Variants in SAP130 observed in about 807,000 individuals in gnomAD.
The protein encoded by SAP130 is histone deacetylase complex subunit SAP130.
In SAP130, 16 loss-of-function variants were observed where a neutral mutation model predicts 103.2. That is an observed-to-expected ratio of 0.16 (90% CI 0.10 to 0.24). The LOEUF is 0.24. SAP130 is among the 10% of genes least tolerant of loss of function. SAP130 has a pLI of 1.00. For missense variants in SAP130, 990 were observed against 1,359.7 expected (o/e 0.73, Z 4.28); for synonymous variants, 477 against 497.0 (o/e 0.96, Z 0.53).
At chr2:127,978,932 G>A (rs965413259) in intron 14 of SAP130, among the ~76,000 whole-genome samples, 9 of 152,188 alleles carry the variant, frequency 5.9e-5, no homozygotes, top group African/African-American at 1.7e-4. Context: ...CTCTACGGGT[G>A]CAGTCAGTTG....
In SAP130 at chr2:128,023,617, A is replaced by C. The variant is rs185686510; in HGVS notation, c.112+2564T>G. ...ACACAGTGAAACACCGTCTCTACTA[A>C]AAAATACAAAAAATTAGCCGGGCAC... On this transcript the variant is annotated intron_variant, in intron 2 of 20. Transcript: ENST00000643581. 2.6e-3 allele frequency among the ~76,000 whole-genome samples: 390 copies of C among 152,180 alleles called. 7 individuals are homozygous for C. The highest frequency in any genetic ancestry group is 0.024 in the Admixed American group (369 of 15,272).
At chr2:127,945,162 C>T (rs1044915191) in intron 19 of SAP130, among the ~76,000 whole-genome samples, 2 of 152,114 alleles carry the variant, frequency 1.3e-5, no homozygotes, top group Admixed American at 6.6e-5. Context: ...CCGTTTGAGG[C>T]TCCCCCTATT....
chr2:127,943,842 ATTC>A (rs1678876118), intron 19 of SAP130, among the ~76,000 whole-genome samples: 1 of 152,190 alleles, frequency 6.6e-6, no homozygotes, highest in Non-Finnish European at 1.5e-5. Flanking sequence ...TATTAAAAAT[ATTC>A]TTCTTTCTTC....
chr2:127,970,728 G>T (rs1229356273), intron 15 of SAP130, among the ~76,000 whole-genome samples: 1 of 151,654 alleles, frequency 6.6e-6, no homozygotes, highest in Non-Finnish European at 1.5e-5. Flanking sequence ...AAAAAGACCA[G>T]TCATATTCAA....
intron 14 of SAP130, among the ~76,000 whole-genome samples, chr2:127,979,416 T>C (rs547892388): frequency 2.0e-5 from 3 of 152,082 alleles, no homozygotes; most frequent in East Asian, 1.9e-4. Context: ...AATGAATACA[T>C]TGGGGATGCC....
At chr2:127,999,143 T>G (rs759207821) in intron 10 of SAP130, among the ~76,000 whole-genome samples, 1 of 152,170 alleles carries the variant, frequency 6.6e-6, no homozygotes, top group Admixed American at 6.5e-5. Flanking sequence ...AAGACTTCTG[T>G]GAGGCTGAGC....
In SAP130 at chr2:128,020,828, C is replaced by G. The variant is rs143934812; in HGVS notation, c.113-2913G>C. 4.3e-3 allele frequency among the ~76,000 whole-genome samples: 654 copies of G among 152,094 alleles called. 3 individuals are homozygous for G. The highest frequency in any genetic ancestry group is 0.015 in the African/African-American group (616 of 41,516). ...ATCATCCAACATGGTGAAACCCCGT[C>G]TCCACAAAAATACAAAAATTAGCTG... On this transcript the variant is annotated intron_variant, in intron 2 of 20. Coordinates refer to ENST00000643581, the MANE Select transcript of SAP130 (RefSeq NM_001330301.2).
chr2:127,987,572 T>G (rs1271487872), intron 13 of SAP130, among the ~76,000 whole-genome samples: 3 of 152,056 alleles, frequency 2.0e-5, no homozygotes, highest in Admixed American at 1.3e-4. Flanking sequence ...TAGTATAGTC[T>G]CTCACTCTAC....
intron 1 of SAP130, chr2:128,027,344 C>G: frequency 8.7e-7 from 1 of 1,152,736 alleles, no homozygotes. Context: ...GCCCCACGCC[C>G]GACGCGTCAG....
intron 7 of SAP130, among the ~76,000 whole-genome samples, chr2:128,002,174 C>A (rs2105101136): frequency 6.6e-6 from 1 of 152,314 alleles, no homozygotes; most frequent in African/African-American, 2.4e-5. Flanking sequence ...GCCCTGGCCT[C>A]CCAAAGTGCT....
At chr2:127,968,162 G>A (rs1310740872) in intron 15 of SAP130, among the ~76,000 whole-genome samples, 2 of 150,166 alleles carry the variant, frequency 1.3e-5, no homozygotes, top group Non-Finnish European at 3.0e-5. Context: ...AAACTGGAGT[G>A]CAATGGCACC....
At position 128,017,640 on chromosome 2, in the gene SAP130, G is replaced by A. The variant is rs374777063; in HGVS notation, c.348+40C>T. 2.2e-5 allele frequency: 34 copies of A among 1,522,646 alleles called. No homozygotes were observed. The Admixed American group carries it at 4.2e-4, about 19-fold the overall frequency. 94.3% of individuals were successfully genotyped at this position (1,522,646 alleles called of 1,614,324 possible). A position where few individuals can be genotyped will look rare whatever the true frequency, so the allele number is the denominator to read the frequency against. ...ATTGTTACAAACATTAGCCAGTCTC[G>A]AGCTCTGGTTCAGTGTGAAGTTTTA... On this transcript the variant is annotated intron_variant, in intron 3 of 20. Coordinates refer to ENST00000643581, the MANE Select transcript of SAP130 (RefSeq NM_001330301.2).
chr2:127,946,815 C>T (rs1011800908), intron 18 of SAP130, among the ~76,000 whole-genome samples: 3 of 150,928 alleles, frequency 2.0e-5, no homozygotes, highest in African/African-American at 7.3e-5. Flanking sequence ...ACCCAGGAGG[C>T]GGAGGTTGCA....
At chr2:128,003,755 A>T (rs1324019193) in intron 7 of SAP130, among the ~76,000 whole-genome samples, 1 of 151,964 alleles carries the variant, frequency 6.6e-6, no homozygotes. Flanking sequence ...GGTTGAGTAT[A>T]CCTTATCTAA....
chr2:127,988,405 A>G (rs1219738861), intron 13 of SAP130, among the ~76,000 whole-genome samples: 1 of 149,006 alleles, frequency 6.7e-6, no homozygotes, highest in South Asian at 2.1e-4. Context: ...GCTGGGCAAC[A>G]GAGTGAGTGA....
In SAP130 at chr2:127,945,567, C is replaced by G. The variant is rs1000418017; in HGVS notation, c.2798-8G>C. ...GCATAGCTTTCTTCTCCTCTGGAACCATAAAAAATAAAAATACATGTATTT... is the reference window on the plus strand; with the variant it reads ...GCATAGCTTTCTTCTCCTCTGGAACGATAAAAAATAAAAATACATGTATTT... On this transcript the variant is annotated splice_region_variant and splice_polypyrimidine_tract_variant and intron_variant, in intron 18 of 20. Coordinates refer to ENST00000643581, the MANE Select transcript of SAP130 (RefSeq NM_001330301.2). 1 of 1,547,174 alleles carries G rather than the reference C, an allele frequency of 6.5e-7. No individual in the cohort carries two copies. Among genetic ancestry groups the G allele is most frequent in the African/African-American group, 1.4e-5 (1 of 73,690 alleles).
chr2:127,974,358 T>C (rs576975857), intron 15 of SAP130, among the ~76,000 whole-genome samples: 1 of 152,330 alleles, frequency 6.6e-6, no homozygotes, highest in African/African-American at 2.4e-5. Flanking sequence ...TCACCTCTGG[T>C]TCCAGGCTAG....
Position 127,941,486 on chromosome 2 carries a change from G to A in SAP130, c.*520C>T, listed in dbSNP as rs914199646. On this transcript the variant is annotated 3_prime_UTR_variant, in exon 21 of 21. Coordinates refer to ENST00000643581, the MANE Select transcript of SAP130 (RefSeq NM_001330301.2). ...TAATAGTTCAAACCCTTTAGAGTGT[G>A]AGATGTGGCAGCTCGCTTGGTGCCG... 6.5e-6 allele frequency: 1 copy of A among 154,404 alleles called. No individual in the cohort carries two copies. Among genetic ancestry groups the A allele is most frequent in the African/African-American group, 2.4e-5 (1 of 41,478 alleles). 9.6% of individuals were successfully genotyped at this position (154,404 alleles called of 1,614,324 possible).
chr2:128,021,404 G>A (rs1164383506), intron 2 of SAP130, among the ~76,000 whole-genome samples: 4 of 146,000 alleles, frequency 2.7e-5, no homozygotes, highest in Non-Finnish European at 6.0e-5. Context: ...TCGAGATCGC[G>A]CCACTGCACT....
Sources: gnomAD v4.1 joint callset for allele counts (sites outside exome capture counted in the v4.1 genomes callset) on GRCh38, gnomAD v4.1.1 for gene constraint, MANE v1.5 for transcripts, NCBI Gene and HGNC (gene_info 2026-07-23, HGNC 2026-07-21) for gene names.